Variants in RYR1 observed in about 807,000 individuals in gnomAD.
RYR1 encodes the protein central core disease of muscle.
A neutral mutation model predicts 583.5 loss-of-function variants in RYR1; 342 were observed. The ratio of observed to expected loss-of-function variants is 0.59; its 90% CI spans 0.54 to 0.64. RYR1 has a LOEUF of 0.64. Ranked by LOEUF, RYR1 falls within the 30% of genes least tolerant of loss-of-function variation. RYR1 has a pLI of 0.00. For synonymous variants in RYR1, 2,791 were observed against 2,822.5 expected, an observed-to-expected ratio of 0.99 and a Z score of 0.35; for missense variants, 6,032 against 6,917.2, an observed-to-expected ratio of 0.87 and a Z score of 4.54.
intron 20 of RYR1, among the ~76,000 whole-genome samples, chr19:38,460,965 ACAAGAGTGAAACTC>A (rs1967705574): frequency 6.6e-6 from 1 of 152,184 alleles, no homozygotes; most frequent in Admixed American, 6.5e-5. Context: ...AGCCTAAGCA[ACAAGAGTGAAACTC>A]CATGTCAAAA....
At chr19:38,511,687 G>A in intron 61 of RYR1, 77 bp downstream of exon 61, 2 of 1,518,298 alleles carry the variant, frequency 1.3e-6, no homozygotes, top group Non-Finnish European at 1.8e-6. Flanking sequence ...CCCAGGTTCT[G>A]CCTTAATTTG....
chr19:38,446,851 A>G (rs1019966140), intron 9 of RYR1, 83 bp downstream of exon 9: 11 of 1,102,398 alleles, frequency 1.0e-5, no homozygotes, highest in Non-Finnish European at 1.5e-5. Context: ...TCTTGAGGGA[A>G]GATCTGATAA....
chr19:38,437,954 T>C (rs1972498536), intron 1 of RYR1, among the ~76,000 whole-genome samples: 1 of 148,882 alleles, frequency 6.7e-6, no homozygotes, highest in Non-Finnish European at 1.5e-5. Flanking sequence ...ACCACTGCAC[T>C]CCACCCCAGG....
intron 53 of RYR1, 21 bp from the exon 54 acceptor site, chr19:38,505,785 C>T: frequency 6.2e-7 from 1 of 1,613,936 alleles, no homozygotes. Flanking sequence ...CACCAACTCC[C>T]CACCCTCCTG....
chr19:38,502,887 C>G lies in RYR1; in HGVS notation c.7843C>G (p.Arg2615Gly). 2 of 1,610,984 alleles carry G rather than the reference C, an allele frequency of 1.2e-6. No homozygotes were observed. Among genetic ancestry groups the G allele is most frequent in the African/African-American group, 1.3e-5 (1 of 74,888 alleles). Residue 2615 changes from arginine (R) to glycine (G), a missense_variant, in exon 49 of 106, where the codon CGC (arginine) becomes GGC (glycine). By Grantham distance (125) the Arg-to-Gly change is moderately radical (BLOSUM62 -2). Transcript: ENST00000359596. Reference sequence around the variant, plus strand: ...TTGTGCATTGTCCCGCAGGTACATCCGCCCGTCGATGCTGCAGCACCTGTT... The same window carrying G: ...TTGTGCATTGTCCCGCAGGTACATCGGCCCGTCGATGCTGCAGCACCTGTT... ...DCLMSLCRYI[R>G]PSMLQHLLRR...
chr19:38,511,065 G>T, intron 60 of RYR1, among the ~76,000 whole-genome samples: 1 of 152,212 alleles, frequency 6.6e-6, no homozygotes, highest in East Asian at 1.9e-4. Flanking sequence ...GGAAGCTGAG[G>T]TGGGAAGATC....
chr19:38,445,967 A>G (rs954237510), intron 7 of RYR1, among the ~76,000 whole-genome samples: 1 of 152,180 alleles, frequency 6.6e-6, no homozygotes, highest in South Asian at 2.1e-4. Context: ...AGCCTGGGCA[A>G]CAGAGCAAAA....
intron 38 of RYR1, among the ~76,000 whole-genome samples, chr19:38,494,014 G>A (rs1479560208): frequency 6.6e-6 from 1 of 152,086 alleles, no homozygotes; most frequent in Non-Finnish European, 1.5e-5. Context: ...ATAGAAAAAA[G>A]TTTGCCAGGC....
intron 66 of RYR1, among the ~76,000 whole-genome samples, chr19:38,518,111 ACT>A (rs1971056536): frequency 6.6e-6 from 1 of 151,842 alleles, no homozygotes; most frequent in Non-Finnish European, 1.5e-5. Context: ...AGAGTGAGAT[ACT>A]CTCTCAAAAC....
rs774432541 is a variant in RYR1 at position 38,543,783 on chromosome 19, G to A, written c.11920G>A (p.Gly3974Arg). 5.0e-6 allele frequency: 8 copies of A among 1,613,410 alleles called. No individual in the cohort carries two copies. In the Admixed American group the frequency reaches 1.2e-4, roughly 24 times the overall value. The part of the protein sequence containing the change: ...LTEYIQGPCT[G>R]NQQSLAHSRL... ...CTCTGCCTCCCAGGGTCCCTGCACC[G>A]GGAACCAGCAGAGCCTGGCGCACAG... The change falls in exon 87 of 106, where the codon GGG becomes AGG. Residue 3974 changes from glycine to arginine, a missense_variant. This residue lies in a region of RYR1 where 82 missense variants were observed against 139.7 expected (regional missense o/e 0.59). Transcript: ENST00000359596. The surrounding 1 kb of genome is among the most constrained non-coding windows in gnomAD (Gnocchi z 4.4).
At chr19:38,470,401 A>ACTCCAG (rs978836363) in intron 27 of RYR1, among the ~76,000 whole-genome samples, 6 of 149,564 alleles carry the variant, frequency 4.0e-5, no homozygotes, top group African/African-American at 1.2e-4. Flanking sequence ...ACACGACTGC[A>ACTCCAG]CTCCAGCCTG....
At position 38,444,130 on chromosome 19, in the gene RYR1, A is replaced by AT; in HGVS notation, c.425-17dup. On this transcript the variant is annotated intron_variant, in intron 5 of 105. Transcript: ENST00000359596. This position sits in a 1 kb window ranked among gnomAD's most constrained non-coding sequence, Gnocchi z 5.1. ...AAGCCATCATCTGACAGCCACCCCC[A>AT]TTCCATCCCCACCCATAGGAGAGGC... 1 of 1,604,708 alleles carries AT rather than the reference A, an allele frequency of 6.2e-7. No homozygotes were observed. The highest frequency in any genetic ancestry group is 1.7e-5 in the Admixed American group (1 of 59,998).
At position 38,557,904 on chromosome 19, in the gene RYR1, C is replaced by T. The variant is rs574388001; in HGVS notation, c.12283-3209C>T. Among the ~76,000 whole-genome samples the T allele has an allele frequency of 1.7e-4, 26 of 152,032 alleles. No individual in the cohort carries two copies. In the East Asian group the frequency reaches 4.4e-3, roughly 26 times the overall value. ...CTGAGGCAGGAGAATCGCTTGAACCCGGGAGGCGGAGGTTGCAGTGAGCCG... is the reference window on the plus strand; with the variant it reads ...CTGAGGCAGGAGAATCGCTTGAACCTGGGAGGCGGAGGTTGCAGTGAGCCG... On this transcript the variant is annotated intron_variant, in intron 89 of 105. Coordinates refer to ENST00000359596, the MANE Select transcript of RYR1 (RefSeq NM_000540.3).
In RYR1 at chr19:38,440,765, G is replaced by T. The variant is rs753752475; in HGVS notation, c.66G>T (p.Gln22His). Residue 22 changes from glutamine to histidine, a missense_variant, in exon 2 of 106, where the codon CAG becomes CAT. Transcript: ENST00000359596. Reference sequence around the variant, plus strand: ...CGCAGGACGATGAGGTGGTCCTGCAGTGCAGCGCTACCGTGCTCAAGGAGC... The same window carrying T: ...CGCAGGACGATGAGGTGGTCCTGCATTGCAGCGCTACCGTGCTCAAGGAGC... ...FLRTDDEVVLQCSATVLKEQL... is the reference protein window; with the variant it reads ...FLRTDDEVVLHCSATVLKEQL... 5 of 1,608,444 alleles carry T rather than the reference G, an allele frequency of 3.1e-6. No homozygotes were observed. Among genetic ancestry groups the T allele is most frequent in the Non-Finnish European group, 4.2e-6 (5 of 1,178,176 alleles).
chr19:38,466,338 C>T lies in RYR1; in HGVS notation c.3118C>T (p.Gln1040Ter). The stretch of plus-strand genomic sequence containing the variant: ...GCGCAGCAACCGGGACAGCCTCTGC[C>T]AGGCCGTGCGCACCCTCCTGGGCTA... ...TKRSNRDSLC[Q>*]AVRTLLGYGY... Residue 1040 changes from glutamine (Q) to a stop codon, truncating the protein, a stop_gained, in exon 24 of 106, where the codon CAG becomes TAG. Transcript: ENST00000359596. LOFTEE classifies it high-confidence loss of function. 6.3e-7 allele frequency: 1 copy of T among 1,598,268 alleles called. No homozygotes were observed. Among genetic ancestry groups the T allele is most frequent in the Non-Finnish European group, 8.5e-7 (1 of 1,173,914 alleles).
Position 38,499,807 on chromosome 19 carries a change from C to A in RYR1, c.7200C>A (p.Asp2400Glu). 6.2e-7 allele frequency: 1 copy of A among 1,605,168 alleles called. No individual in the cohort carries two copies. The highest frequency in any genetic ancestry group is 1.1e-5 in the South Asian group (1 of 90,764). The change falls in exon 44 of 106, where the codon GAC becomes GAA. Residue 2400 changes from aspartate (D) to glutamate (E), a missense_variant. Coordinates refer to ENST00000359596, the MANE Select transcript of RYR1 (RefSeq NM_000540.3). This position sits in a 1 kb window ranked among gnomAD's most constrained non-coding sequence, Gnocchi z 7.3. ...PARDGPGIRR[D>E]RRREHFGEEP... ...GGGATGGCCCAGGCATCCGCAGGGA[C>A]CGGCGGCGCGAGCAGTGAGTCTCCC...
Position 38,499,944 on chromosome 19 carries a change from C to T in RYR1, c.7251C>T (p.His2417=), listed in dbSNP as rs1032561594. Residue 2417 remains histidine, a synonymous_variant, in exon 45 of 106, where the codon CAC becomes CAT. Coordinates refer to ENST00000359596, the MANE Select transcript of RYR1 (RefSeq NM_000540.3). This position sits in a 1 kb window ranked among gnomAD's most constrained non-coding sequence, Gnocchi z 7.3. The part of the protein sequence containing the change: ...GEEPPEENRV[H]LGHAIMSFYA... ...AACCGCCTGAAGAAAACCGGGTGCA[C>T]CTGGGACACGCCATCATGTCCTTCT... is the stretch of plus-strand genomic sequence containing the variant. 6.2e-7 allele frequency: 1 copy of T among 1,614,096 alleles called. No homozygotes were observed. Among genetic ancestry groups the T allele is most frequent in the Non-Finnish European group, 8.5e-7 (1 of 1,180,002 alleles).
intron 94 of RYR1, 116 bp from the exon 95 acceptor site, chr19:38,571,903 C>T (rs553987453): frequency 2.7e-6 from 4 of 1,467,194 alleles, no homozygotes; most frequent in Admixed American, 1.8e-5. Context: ...TGATTGACAG[C>T]CACACCAAGA....
Position 38,500,093 on chromosome 19 carries a change from T to G in RYR1, c.7323+77T>G. On this transcript the variant is annotated intron_variant, in intron 45 of 105. Transcript: ENST00000359596. This position sits in a 1 kb window ranked among gnomAD's most constrained non-coding sequence, Gnocchi z 5.9. ...TTGAACGCCTCATGCAGGCACTCGG[T>G]GACACGGAGTGAGCTCCCATATGTG... 3.2e-6 allele frequency: 4 copies of G among 1,246,770 alleles called. No individual in the cohort carries two copies. Among genetic ancestry groups the G allele is most frequent in the Non-Finnish European group, 4.6e-6 (4 of 861,396 alleles). 77.2% of individuals were successfully genotyped at this position (1,246,770 alleles called of 1,614,324 possible). A position where few individuals can be genotyped will look rare whatever the true frequency, so the allele number is the denominator to read the frequency against.
Sources: gnomAD v4.1 joint callset for allele counts (sites outside exome capture counted in the v4.1 genomes callset) on GRCh38, gnomAD v4.1.1 for gene constraint, gnomAD v4.1.1 regional missense constraint, Gnocchi (gnomAD v3.1) non-coding constraint, MANE v1.5 for transcripts, NCBI Gene and HGNC (gene_info 2026-07-23, HGNC 2026-07-21) for gene names.